Variants in BIK observed in about 807,000 individuals in gnomAD.
BIK encodes the protein BCL2 interacting killer, also known as bcl-2-interacting killer.
In BIK, 14 loss-of-function variants were observed where a neutral mutation model predicts 12.1. That is an observed-to-expected ratio of 1.16 (90% CI 0.77 to 1.81). The LOEUF is 1.81. BIK is among the 40% of genes most tolerant of loss of function. The probability of loss-of-function intolerance (pLI) is 0.00; values close to 1 mark genes in which losing one functional copy is unlikely to be tolerated. For missense variants in BIK, 215 were observed against 207.9 expected, an observed-to-expected ratio of 1.03 and a Z score of -0.21; for synonymous variants, 86 against 92.3, an observed-to-expected ratio of 0.93 and a Z score of 0.39.
intron 2 of BIK, 59 bp downstream of exon 2, chr22:43,124,242 A>G (rs1417114192): frequency 6.3e-7 from 1 of 1,584,934 alleles, no homozygotes; most frequent in Non-Finnish European, 8.6e-7. Context: ...GGTGGGCTGG[A>G]TGAGCAGACA....
intron 2 of BIK, among the ~76,000 whole-genome samples, chr22:43,127,393 C>G (rs896298246): frequency 6.6e-6 from 1 of 152,228 alleles, no homozygotes; most frequent in African/African-American, 2.4e-5. Context: ...ACCCCCAGAC[C>G]TGCCTGTTCC....
chr22:43,126,342 C>T (rs1341296571), intron 2 of BIK, among the ~76,000 whole-genome samples: 1 of 152,154 alleles, frequency 6.6e-6, no homozygotes, highest in African/African-American at 2.4e-5. Flanking sequence ...CCTGCCACCA[C>T]ACCTGGCTAA....
intron 3 of BIK, 142 bp from the exon 4 acceptor site, chr22:43,128,354 C>T: frequency 4.7e-6 from 5 of 1,053,068 alleles, no homozygotes; most frequent in Non-Finnish European, 7.0e-6. Flanking sequence ...TGGAGGCGCC[C>T]ACGGAAAGGG....
chr22:43,126,893 C>G (rs1283861851), intron 2 of BIK, among the ~76,000 whole-genome samples: 3 of 152,122 alleles, frequency 2.0e-5, no homozygotes, highest in Admixed American at 2.0e-4. Flanking sequence ...CCACCCGCAT[C>G]CCCTCCAAGT....
intron 1 of BIK, among the ~76,000 whole-genome samples, chr22:43,122,227 A>C (rs900993756): frequency 3.9e-5 from 6 of 152,176 alleles, no homozygotes. Flanking sequence ...CAAACAGCTC[A>C]GTGAGATGGT....
chr22:43,113,666 G>C (rs1270123987), intron 1 of BIK, among the ~76,000 whole-genome samples: 1 of 152,086 alleles, frequency 6.6e-6, no homozygotes, highest in Non-Finnish European at 1.5e-5. Flanking sequence ...GGATGTAATT[G>C]AGGAAGGGCT....
intron 1 of BIK, among the ~76,000 whole-genome samples, chr22:43,120,134 A>G (rs1019832613): frequency 2.6e-5 from 4 of 152,194 alleles, no homozygotes; most frequent in African/African-American, 9.7e-5. Context: ...TAGCGCGGGA[A>G]CCAAGATTGG....
At chr22:43,118,634 G>T (rs1271844875) in intron 1 of BIK, among the ~76,000 whole-genome samples, 1 of 152,170 alleles carries the variant, frequency 6.6e-6, no homozygotes, top group Non-Finnish European at 1.5e-5. Flanking sequence ...TGGAAGACTG[G>T]ACCAGGGTTT....
chr22:43,111,631 G>C (rs979133381), intron 1 of BIK, among the ~76,000 whole-genome samples: 3 of 152,166 alleles, frequency 2.0e-5, no homozygotes, highest in African/African-American at 4.8e-5. Flanking sequence ...TGTCAATTTT[G>C]CTAGAATGAG....
Position 43,124,095 on chromosome 22 carries a change from C to G in BIK, c.73C>G (p.Pro25Ala). Residue 25 changes from proline (P) to alanine (A), a missense_variant, in exon 2 of 5, where the codon CCG (proline) becomes GCG (alanine). Coordinates refer to ENST00000216115, the MANE Select transcript of BIK (RefSeq NM_001197.5). Reference protein sequence around the residue: ...TLLYEQLLEPPTMEVLGMTDS... With the variant: ...TLLYEQLLEPATMEVLGMTDS... ...CCTGTATGAGCAGCTCCTGGAACCC[C>G]CGACCATGGAGGTTCTTGGCATGAC... 6.2e-7 allele frequency: 1 copy of G among 1,614,162 alleles called. No homozygotes were observed.
chr22:43,129,100 G>A, intron 4 of BIK, 113 bp from the exon 5 acceptor site: 2 of 1,563,742 alleles, frequency 1.3e-6, no homozygotes, highest in South Asian at 2.2e-5. Flanking sequence ...GTCCCCTCGA[G>A]CTCCTTCCCA....
chr22:43,127,664 G>T (rs1296934914), intron 2 of BIK, 33 bp from the exon 3 acceptor site: 16 of 1,532,046 alleles, frequency 1.0e-5, no homozygotes, highest in Non-Finnish European at 1.3e-5. Flanking sequence ...CCACGGCACA[G>T]CCACACCCGA....
chr22:43,114,507 T>G (rs1034562206), intron 1 of BIK, among the ~76,000 whole-genome samples: 1 of 152,174 alleles, frequency 6.6e-6, no homozygotes, highest in Non-Finnish European at 1.5e-5. Flanking sequence ...TTCACCACGT[T>G]GGCCAGGTTG....
At chr22:43,117,514 G>A (rs745536738) in intron 1 of BIK, among the ~76,000 whole-genome samples, 161 of 146,922 alleles carry the variant, frequency 1.1e-3, no homozygotes, top group Non-Finnish European at 1.8e-3. Context: ...GACTACAGGC[G>A]CCCGCCACCA....
intron 1 of BIK, among the ~76,000 whole-genome samples, chr22:43,115,966 G>A (rs936656400): frequency 6.6e-6 from 1 of 151,860 alleles, no homozygotes; most frequent in East Asian, 1.9e-4. Context: ...CATGTTGACC[G>A]GGGGGTCTTG....
intron 3 of BIK, among the ~76,000 whole-genome samples, chr22:43,128,107 A>T (rs972770999): frequency 6.6e-6 from 1 of 151,716 alleles, no homozygotes; most frequent in Non-Finnish European, 1.5e-5. Flanking sequence ...AGGGGGTGCT[A>T]CGTGAGCTCG....
intron 1 of BIK, among the ~76,000 whole-genome samples, chr22:43,113,444 T>C (rs1328824894): frequency 6.6e-6 from 1 of 152,012 alleles, no homozygotes; most frequent in Non-Finnish European, 1.5e-5. Context: ...CCCAGCACTT[T>C]GGGAGGCTAA....
intron 2 of BIK, among the ~76,000 whole-genome samples, chr22:43,125,737 G>A (rs1930301714): frequency 1.4e-5 from 2 of 147,044 alleles, no homozygotes; most frequent in South Asian, 4.2e-4. Flanking sequence ...AAAAGAGAAA[G>A]AGAAAAGAAA....
chr22:43,120,974 A>G (rs1306017563), intron 1 of BIK, among the ~76,000 whole-genome samples: 2 of 152,150 alleles, frequency 1.3e-5, no homozygotes. Flanking sequence ...TCAGGAGTTG[A>G]GACCAGCCTG....
Sources: gnomAD v4.1 joint callset for allele counts (sites outside exome capture counted in the v4.1 genomes callset) on GRCh38, gnomAD v4.1.1 for gene constraint, MANE v1.5 for transcripts, NCBI Gene and HGNC (gene_info 2026-07-23, HGNC 2026-07-21) for gene names.